Variants in CHUK observed in about 807,000 individuals in gnomAD.
The protein encoded by CHUK is component of inhibitor of nuclear factor kappa B kinase complex.
CHUK carries 35 observed loss-of-function variants against 104.8 expected under a neutral mutation model. The observed-to-expected ratio is 0.33, with a 90% CI of 0.26 to 0.44. The LOEUF (loss-of-function observed/expected upper bound fraction) is 0.44. Ranked by LOEUF, CHUK falls within the 20% of genes least tolerant of loss-of-function variation. CHUK has a pLI of 1.00. For missense variants in CHUK, 663 were observed against 902.7 expected (o/e 0.73, Z 3.40); for synonymous variants, 276 against 291.9 (o/e 0.95, Z 0.56).
At chr10:100,189,654 A>G in intron 20 of CHUK, 27 bp from the exon 21 acceptor site, 1 of 1,582,852 alleles carries the variant, frequency 6.3e-7, no homozygotes, top group South Asian at 1.1e-5. Flanking sequence ...AAAAGTTACA[A>G]TTAGATGTTG....
intron 9 of CHUK, among the ~76,000 whole-genome samples, chr10:100,212,916 G>A (rs1168572519): frequency 6.7e-6 from 1 of 148,778 alleles, no homozygotes; most frequent in Non-Finnish European, 1.5e-5. Context: ...TGAGGCAGGA[G>A]AATCGCCTGA....
chr10:100,220,004 C>T (rs925937873), intron 5 of CHUK, among the ~76,000 whole-genome samples: 50 of 152,072 alleles, frequency 3.3e-4, no homozygotes, highest in Non-Finnish European at 6.9e-4. Flanking sequence ...GACTCTTGGC[C>T]TTTAAGTCTT....
chr10:100,204,651 A>G lies in CHUK; in HGVS notation c.1362T>C (p.Ser454=). 1.2e-6 allele frequency: 2 copies of G among 1,606,830 alleles called. No homozygotes were observed. Among genetic ancestry groups the G allele is most frequent in the Admixed American group, 3.3e-5 (2 of 60,000 alleles). ...TTAAGTTAGCATTATATCTAAGAAGACTTAACCTAAACCACAGCAAGAAAA... is the reference window on the plus strand; with the variant it reads ...TTAAGTTAGCATTATATCTAAGAAGGCTTAACCTAAACCACAGCAAGAAAA... ...LFQGQRAAML[S]LLRYNANLTK... Residue 454 remains serine (S), a synonymous_variant, in exon 13 of 21, where the codon AGT becomes AGC. Transcript: ENST00000370397.
In CHUK at chr10:100,220,683, A is replaced by G. The variant is rs1845966509; in HGVS notation, c.386-7T>C. ...AAATATCGAATCCCAGACCCTAAATAAAGTTTAAAATATACTTTAAAGTAA... is the reference window on the plus strand; with the variant it reads ...AAATATCGAATCCCAGACCCTAAATGAAGTTTAAAATATACTTTAAAGTAA... On this transcript the variant is annotated splice_polypyrimidine_tract_variant and splice_region_variant and intron_variant, in intron 4 of 20. Transcript: ENST00000370397. 1 of 1,577,676 alleles carries G rather than the reference A, an allele frequency of 6.3e-7. No homozygotes were observed. Among genetic ancestry groups the G allele is most frequent in the African/African-American group, 1.3e-5 (1 of 74,164 alleles).
At chr10:100,189,670 A>G (rs201034429) in intron 20 of CHUK, 43 bp from the exon 21 acceptor site, 16 of 1,461,234 alleles carry the variant, frequency 1.1e-5, no homozygotes, top group East Asian at 2.3e-5. Flanking sequence ...TGTTGACTAT[A>G]AGTTATAAGT....
Position 100,210,408 on chromosome 10 carries a change from A to T in CHUK, c.934-619T>A, listed in dbSNP as rs1008516154. ...GGCCTAAGTTATTTATTTTGAAAAA[A>T]ACATTATCATAGACCGAAAAGGAAA... On this transcript the variant is annotated intron_variant, in intron 9 of 20. Coordinates refer to ENST00000370397, the MANE Select transcript of CHUK (RefSeq NM_001278.5). 3.9e-5 allele frequency among the ~76,000 whole-genome samples: 6 copies of T among 152,050 alleles called. No homozygotes were observed. In the East Asian group the frequency reaches 9.6e-4, roughly 24 times the overall value.
rs537364900 is a variant in CHUK, at chr10:100,227,687, T to C, written c.106-1670A>G. ...CTCCAAGATTTTCTCCTATGCCCTA[T>C]CTAGAAACCTGGTTCACAAAACTTC... On this transcript the variant is annotated intron_variant, in intron 1 of 20. Transcript: ENST00000370397. Among the ~76,000 whole-genome samples, 386 of 152,286 alleles carry C rather than the reference T, an allele frequency of 2.5e-3. 1 individual carries two copies. Among genetic ancestry groups the C allele is most frequent in the African/African-American group, 9.1e-3 (377 of 41,558 alleles).
At chr10:100,202,433 A>AG (rs1845491440) in intron 13 of CHUK, among the ~76,000 whole-genome samples, 1 of 152,212 alleles carries the variant, frequency 6.6e-6, no homozygotes, top group African/African-American at 2.4e-5. Context: ...ACAGATACAC[A>AG]GGGGAGAATG....
At chr10:100,193,074 T>G (rs906257508) in intron 19 of CHUK, 4 of 570,910 alleles carry the variant, frequency 7.0e-6, no homozygotes, top group Non-Finnish European at 1.3e-5. Context: ...TTATATACAT[T>G]GTCTAATCAA....
intron 9 of CHUK, among the ~76,000 whole-genome samples, chr10:100,211,222 C>T (rs1845719617): frequency 6.6e-6 from 1 of 151,594 alleles, no homozygotes; most frequent in Admixed American, 6.6e-5. Flanking sequence ...TAGAGCCTAT[C>T]TTGTTTCATC....
intron 15 of CHUK, among the ~76,000 whole-genome samples, 190 bp downstream of exon 15, chr10:100,200,481 C>A (rs1845435688): frequency 1.3e-5 from 2 of 152,148 alleles, no homozygotes; most frequent in Admixed American, 1.3e-4. Context: ...CCAAAAAAGG[C>A]CAACCCAAAG....
intron 10 of CHUK, among the ~76,000 whole-genome samples, chr10:100,207,623 C>G (rs1845619050): frequency 6.6e-6 from 1 of 152,062 alleles, no homozygotes; most frequent in African/African-American, 2.4e-5. Context: ...CTGATACATG[C>G]TACAACATGC....
intron 18 of CHUK, 154 bp from the exon 19 acceptor site, chr10:100,193,585 C>A: frequency 1.2e-6 from 1 of 832,118 alleles, no homozygotes; most frequent in Non-Finnish European, 2.0e-6. Context: ...CCTTTACACA[C>A]CATTAGTAAC....
At position 100,229,442 on chromosome 10, in the gene CHUK, G is replaced by A. The variant is rs747429175; in HGVS notation, c.91C>T (p.Leu31=). 7.5e-6 allele frequency: 12 copies of A among 1,603,688 alleles called. No individual in the cohort carries two copies. The highest frequency in any genetic ancestry group is 7.6e-6 in the Non-Finnish European group (9 of 1,178,076). Residue 31 remains leucine (L), a synonymous_variant, in exon 1 of 21, where the codon CTG becomes TTG. Coordinates refer to ENST00000370397, the MANE Select transcript of CHUK (RefSeq NM_001278.5). ...CCCCGCCTCACCCGATGCTGGTACAGACAGACGTTCCCGAAGCCGCCGGTG... is the reference window on the plus strand; with the variant it reads ...CCCCGCCTCACCCGATGCTGGTACAAACAGACGTTCCCGAAGCCGCCGGTG... ...LGTGGFGNVC[L]YQHRELDLKI...
intron 16 of CHUK, 123 bp from the exon 17 acceptor site, chr10:100,194,644 T>C (rs1339541325): frequency 3.1e-6 from 2 of 636,326 alleles, no homozygotes; most frequent in Non-Finnish European, 5.6e-6. Flanking sequence ...CATCTCCATT[T>C]AAATTAAAAA....
downstream of CHUK, chr10:100,187,294 T>C (rs575592764): frequency 6.6e-6 from 1 of 152,346 alleles, no homozygotes; most frequent in South Asian, 2.1e-4. Flanking sequence ...GGTTACTTAG[T>C]AGTGGAAGTA....
chr10:100,194,204 T>C, intron 17 of CHUK, 73 bp from the exon 18 acceptor site: 2 of 1,522,866 alleles, frequency 1.3e-6, no homozygotes, highest in East Asian at 2.3e-5. Flanking sequence ...AAAACCCAGC[T>C]GAGGAAATGA....
chr10:100,224,683 C>T (rs946492525), intron 2 of CHUK, among the ~76,000 whole-genome samples: 15 of 151,946 alleles, frequency 9.9e-5, no homozygotes, highest in South Asian at 2.1e-4. Context: ...GTAATCCATC[C>T]GCCTTGGCCT....
chr10:100,226,617 T>C (rs1846111960), intron 1 of CHUK, among the ~76,000 whole-genome samples: 1 of 152,190 alleles, frequency 6.6e-6, no homozygotes, highest in South Asian at 2.1e-4. Flanking sequence ...TTAAACCCAT[T>C]CTGATGCATA....
Sources: gnomAD v4.1 joint callset for allele counts (sites outside exome capture counted in the v4.1 genomes callset) on GRCh38, gnomAD v4.1.1 for gene constraint, MANE v1.5 for transcripts, NCBI Gene and HGNC (gene_info 2026-07-23, HGNC 2026-07-21) for gene names.